MBNL1: variants seen among roughly 807,000 people sequenced by gnomAD.
MBNL1 encodes the protein muscleblind like splicing regulator 1, also known as muscleblind-like protein 1.
A neutral mutation model predicts 42.2 loss-of-function variants in MBNL1; 8 were observed. That is an observed-to-expected ratio of 0.19 (90% confidence interval 0.11 to 0.34). MBNL1 has a LOEUF of 0.34. Ranked by LOEUF, MBNL1 falls within the 10% of genes least tolerant of loss-of-function variation. The pLI is 1.00. For missense variants in MBNL1, 309 were observed against 495.3 expected, an observed-to-expected ratio of 0.62 and a Z score of 3.57; for synonymous variants, 169 against 173.9, an observed-to-expected ratio of 0.97 and a Z score of 0.22.
At chr3:152,338,307 C>G in intron 2 of MBNL1, 1 of 985,356 alleles carries the variant, frequency 1.0e-6, no homozygotes, top group African/African-American at 1.7e-5. Flanking sequence ...TGTTGTGCTG[C>G]GTGGTCATGT....
intron 2 of MBNL1, among the ~76,000 whole-genome samples, chr3:152,317,494 A>G (rs1467483211): frequency 6.6e-6 from 1 of 151,832 alleles, no homozygotes; most frequent in Non-Finnish European, 1.5e-5. Context: ...TAATTTTTGT[A>G]TTTTTTGTAT....
At chr3:152,290,252 G>T (rs891028355) in intron 1 of MBNL1, among the ~76,000 whole-genome samples, 4 of 151,828 alleles carry the variant, frequency 2.6e-5, no homozygotes, top group African/African-American at 7.3e-5. Context: ...GAACAGTGTG[G>T]CAACTATTAA....
At chr3:152,395,998 G>T (rs1038978320) in intron 2 of MBNL1, among the ~76,000 whole-genome samples, 3 of 152,210 alleles carry the variant, frequency 2.0e-5, no homozygotes, top group Non-Finnish European at 2.9e-5. Flanking sequence ...GCTCCGCATT[G>T]CTGGCATTAC....
At chr3:152,365,924 AC>A (rs906366814) in intron 2 of MBNL1, among the ~76,000 whole-genome samples, 1 of 152,122 alleles carries the variant, frequency 6.6e-6, no homozygotes, top group African/African-American at 2.4e-5. Flanking sequence ...ATATAAAGAA[AC>A]CTTTCAAAAT....
intron 2 of MBNL1, among the ~76,000 whole-genome samples, chr3:152,371,105 CA>C (rs889603048): frequency 6.6e-6 from 1 of 152,148 alleles, no homozygotes; most frequent in African/African-American, 2.4e-5. Context: ...ATGGCCTTTA[CA>C]ATTTGGTATG....
chr3:152,288,119 A>T (rs1452905403), intron 1 of MBNL1, among the ~76,000 whole-genome samples: 1 of 152,222 alleles, frequency 6.6e-6, no homozygotes, highest in Non-Finnish European at 1.5e-5. Flanking sequence ...TAATGCTCAC[A>T]TTCTGCCAAC....
intron 3 of MBNL1, among the ~76,000 whole-genome samples, chr3:152,431,611 C>G (rs370912839): frequency 6.6e-6 from 1 of 152,072 alleles, no homozygotes; most frequent in East Asian, 1.9e-4. Context: ...TTCTATAATT[C>G]TGTTCATTAC....
intron 2 of MBNL1, chr3:152,340,261 G>A (rs1269221357): frequency 2.7e-5 from 10 of 365,986 alleles, no homozygotes; most frequent in Non-Finnish European, 4.9e-5. Flanking sequence ...GGTCGAGGCT[G>A]CAGGCATCAC....
chr3:152,256,061 C>T (rs2035406448), intron 2 of MBNL1, among the ~76,000 whole-genome samples: 1 of 152,080 alleles, frequency 6.6e-6, no homozygotes, highest in South Asian at 2.1e-4. Context: ...AGGACGTGCA[C>T]GTGTCTTAAT....
At chr3:152,322,245 A>G (rs1211506890) in intron 2 of MBNL1, among the ~76,000 whole-genome samples, 1 of 152,090 alleles carries the variant, frequency 6.6e-6, no homozygotes, top group Non-Finnish European at 1.5e-5. Flanking sequence ...TAGCCTTCCA[A>G]TAAATATTAC....
At chr3:152,340,205 C>A in intron 2 of MBNL1, 1 of 226,502 alleles carries the variant, frequency 4.4e-6, no homozygotes, top group Non-Finnish European at 8.6e-6. Flanking sequence ...ACCTGTAGTC[C>A]TAGTTACTCA....
intron 2 of MBNL1, among the ~76,000 whole-genome samples, chr3:152,357,509 G>C (rs747993370): frequency 6.6e-6 from 1 of 152,170 alleles, no homozygotes; most frequent in Non-Finnish European, 1.5e-5. Flanking sequence ...TGTTATAGGA[G>C]CAGGGAAATC....
chr3:152,373,678 C>T (rs1304310225), intron 2 of MBNL1, among the ~76,000 whole-genome samples: 2 of 152,090 alleles, frequency 1.3e-5, no homozygotes, highest in South Asian at 2.1e-4. Flanking sequence ...GAGCCAGGTA[C>T]CTTAGTTGGA....
chr3:152,389,411 T>A (rs1003695159), intron 2 of MBNL1, among the ~76,000 whole-genome samples: 2 of 152,148 alleles, frequency 1.3e-5, no homozygotes, highest in African/African-American at 4.8e-5. Context: ...CCGTATCTCT[T>A]AACGATTGGG....
At chr3:152,335,052 A>C in intron 2 of MBNL1, 1 of 1,237,010 alleles carries the variant, frequency 8.1e-7, no homozygotes, top group African/African-American at 1.5e-5. Context: ...TGCTGCTGCT[A>C]ATATTGCTGG....
Position 152,463,434 on chromosome 3 carries a change from TA to T in MBNL1, c.*1071del, listed in dbSNP as rs1322634764. ...GCCTCTGTCAAAAGTCAAAAGACTA[TA>T]AATGCTTTGCAAAAATGGTTTCACG... On this transcript the variant is annotated 3_prime_UTR_variant, in exon 10 of 10. Coordinates refer to ENST00000324210, the MANE Select transcript of MBNL1 (RefSeq NM_021038.5). 6.6e-6 allele frequency: 1 copy of T among 152,468 alleles called. No individual in the cohort carries two copies. The highest frequency in any genetic ancestry group is 1.9e-4 in the East Asian group (1 of 5,196). 9.4% of individuals were successfully genotyped at this position (152,468 alleles called of 1,614,324 possible). A position where few individuals can be genotyped will look rare whatever the true frequency, so the allele number is the denominator to read the frequency against.
At chr3:152,426,744 T>C (rs893021582) in intron 3 of MBNL1, among the ~76,000 whole-genome samples, 1 of 152,232 alleles carries the variant, frequency 6.6e-6, no homozygotes, top group Non-Finnish European at 1.5e-5. Flanking sequence ...GGTAAACAAA[T>C]TAGCTATCTC....
chr3:152,269,915 A>ACCCT (rs1553766569), intron 1 of MBNL1: 6 of 56,630 alleles, frequency 1.1e-4, no homozygotes, highest in Admixed American at 4.2e-4. Flanking sequence ...CCACCCCCCA[A>ACCCT]CTTTTTTTTT....
intron 3 of MBNL1, among the ~76,000 whole-genome samples, chr3:152,420,434 A>G (rs556990555): frequency 6.6e-6 from 1 of 152,274 alleles, no homozygotes; most frequent in Admixed American, 6.5e-5. Flanking sequence ...GGCAGCAATC[A>G]TTGCTGTTCT....
Sources: gnomAD v4.1 joint callset for allele counts (sites outside exome capture counted in the v4.1 genomes callset) on GRCh38, gnomAD v4.1.1 for gene constraint, MANE v1.5 for transcripts, NCBI Gene and HGNC (gene_info 2026-07-23, HGNC 2026-07-21) for gene names.